The following GABBR2 variants were observed in gnomAD, a reference collection of about 807,000 sequenced individuals.
GABBR2 encodes the protein gamma-aminobutyric acid type B receptor subunit 2.
A neutral mutation model predicts 105.6 loss-of-function variants in GABBR2; 23 were observed. That is an observed-to-expected ratio of 0.22 (90% CI 0.16 to 0.31). The LOEUF is 0.31. GABBR2 is among the 10% of genes least tolerant of loss of function. GABBR2 has a pLI of 1.00. For missense variants in GABBR2, 734 were observed against 1,245.5 expected, an observed-to-expected ratio of 0.59 and a Z score of 6.18; for synonymous variants, 478 against 499.7, an observed-to-expected ratio of 0.96 and a Z score of 0.58.
intron 1 of GABBR2, among the ~76,000 whole-genome samples, chr9:98,649,774 T>C (rs1830079627): frequency 6.6e-6 from 1 of 152,198 alleles, no homozygotes; most frequent in Non-Finnish European, 1.5e-5. Flanking sequence ...CAAAATAGTG[T>C]TGTTTCAAAA....
At position 98,325,283 on chromosome 9, in the gene GABBR2, C is replaced by CTTTT. The variant is rs886288539; in HGVS notation, c.1894-14082_1894-14079dup. ...TTCCCTTGGCTCTAGGACAGCAATTCTTTTTTTTTTTTTTTTTTTTTTTTT... is the reference window on the plus strand; with the variant it reads ...TTCCCTTGGCTCTAGGACAGCAATTCTTTTTTTTTTTTTTTTTTTTTTTTTTTTT... On this transcript the variant is annotated intron_variant, in intron 13 of 18. Transcript: ENST00000259455. 2.0e-3 allele frequency among the ~76,000 whole-genome samples: 137 copies of CTTTT among 67,652 alleles called. 23 individuals carry two copies. Among genetic ancestry groups the CTTTT allele is most frequent in the African/African-American group, 7.7e-3 (122 of 15,942 alleles). 44.4% of individuals were successfully genotyped at this position (67,652 alleles called of 152,430 possible).
At chr9:98,653,265 CT>C (rs1488538186) in intron 1 of GABBR2, among the ~76,000 whole-genome samples, 1 of 152,244 alleles carries the variant, frequency 6.6e-6, no homozygotes, top group Non-Finnish European at 1.5e-5. Context: ...TCCCAAAGTG[CT>C]GAGATTACAG....
At chr9:98,696,473 G>A (rs1818695541) in intron 1 of GABBR2, among the ~76,000 whole-genome samples, 1 of 152,196 alleles carries the variant, frequency 6.6e-6, no homozygotes. Context: ...CTGGTTTGCT[G>A]GGTCAGTGGT....
intron 7 of GABBR2, among the ~76,000 whole-genome samples, chr9:98,449,727 T>G (rs539869656): frequency 6.6e-6 from 1 of 152,248 alleles, no homozygotes; most frequent in South Asian, 2.1e-4. Flanking sequence ...GCTTTTGAGA[T>G]TTAAATAGCC....
chr9:98,481,094 C>T (rs939804192), intron 4 of GABBR2, 97 bp from the exon 5 acceptor site: 6 of 807,642 alleles, frequency 7.4e-6, no homozygotes, highest in African/African-American at 5.0e-5. Context: ...ACCTCTGGCT[C>T]TTAGCCCAGA....
At chr9:98,680,261 A>T (rs1830526485) in intron 1 of GABBR2, among the ~76,000 whole-genome samples, 1 of 152,168 alleles carries the variant, frequency 6.6e-6, no homozygotes, top group Admixed American at 6.5e-5. Flanking sequence ...TAAGTTCACC[A>T]AATTCCAACC....
At chr9:98,649,971 A>G (rs1045608685) in intron 1 of GABBR2, among the ~76,000 whole-genome samples, 3 of 152,204 alleles carry the variant, frequency 2.0e-5, no homozygotes, top group African/African-American at 7.2e-5. Context: ...GAAGTAATTC[A>G]TGTGTCTGGA....
intron 6 of GABBR2, among the ~76,000 whole-genome samples, chr9:98,459,759 T>C (rs1826391919): frequency 6.6e-6 from 1 of 152,198 alleles, no homozygotes; most frequent in Non-Finnish European, 1.5e-5. Context: ...GTTGAGAACA[T>C]TGAAGGGTCA....
At chr9:98,519,710 C>CTT (rs11386577) in intron 3 of GABBR2, among the ~76,000 whole-genome samples, 1,850 of 142,498 alleles carry the variant, frequency 0.013, 23 homozygotes, top group Non-Finnish European at 0.015. Context: ...GAGCCGGCAA[C>CTT]TTTTTTTTTT....
chr9:98,561,294 GAA>G (rs35127616), intron 2 of GABBR2, among the ~76,000 whole-genome samples: 162 of 149,052 alleles, frequency 1.1e-3, no homozygotes, highest in African/African-American at 3.5e-3. Flanking sequence ...TCATTCCACT[GAA>G]AAAAAAAAAC....
chr9:98,634,969 CCT>C (rs1163484202), intron 1 of GABBR2, among the ~76,000 whole-genome samples: 3 of 152,152 alleles, frequency 2.0e-5, no homozygotes, highest in African/African-American at 4.8e-5. Context: ...TAAATATCTG[CCT>C]CTCTGTAATC....
At chr9:98,527,081 A>C (rs1827976155) in intron 3 of GABBR2, among the ~76,000 whole-genome samples, 1 of 148,024 alleles carries the variant, frequency 6.8e-6, no homozygotes, top group Admixed American at 6.8e-5. Context: ...TTCATATGTT[A>C]ATAATATATA....
At chr9:98,473,092 A>C in intron 6 of GABBR2, 54 bp downstream of exon 6, 1 of 1,330,594 alleles carries the variant, frequency 7.5e-7, no homozygotes, top group Non-Finnish European at 1.1e-6. Context: ...GTCATCAGAC[A>C]AGATGATCAA....
In GABBR2 at chr9:98,340,448, C is replaced by T. The variant is rs577798763; in HGVS notation, c.1893+22267G>A. 2.1e-4 allele frequency among the ~76,000 whole-genome samples: 32 copies of T among 150,290 alleles called. 1 individual carries two copies. The South Asian group carries it at 4.8e-3, about 23-fold the overall frequency. ...TCTCTCTCTCTTTTTTTTTTTGAGA[C>T]GGGGTCTCGTCATGTTGCCCAGGCT... On this transcript the variant is annotated intron_variant, in intron 13 of 18. Transcript: ENST00000259455.
intron 1 of GABBR2, among the ~76,000 whole-genome samples, chr9:98,692,583 A>C (rs906685065): frequency 6.6e-6 from 1 of 152,176 alleles, no homozygotes; most frequent in African/African-American, 2.4e-5. Context: ...GACCCCAAAC[A>C]GCAGGACCAC....
Position 98,440,375 on chromosome 9 carries a change from A to G in GABBR2, c.1236+13606T>C, listed in dbSNP as rs1826009407. Among the ~76,000 whole-genome samples the G allele has an allele frequency of 1.3e-5, 2 of 152,184 alleles. 1 individual carries two copies. Among genetic ancestry groups the G allele is most frequent in the South Asian group, 4.1e-4 (2 of 4,832 alleles). ...TGAAGAGAGATTGATTCCTTGCTCA[A>G]GTTTACCTGGCTAGCAAGTGGAGCC... On this transcript the variant is annotated intron_variant, in intron 7 of 18. Coordinates refer to ENST00000259455, the MANE Select transcript of GABBR2 (RefSeq NM_005458.8).
chr9:98,417,719 A>G (rs1237861745), intron 7 of GABBR2, among the ~76,000 whole-genome samples: 1 of 152,084 alleles, frequency 6.6e-6, no homozygotes. Flanking sequence ...CCAGTCTAAC[A>G]GAGATGACAG....
intron 2 of GABBR2, among the ~76,000 whole-genome samples, chr9:98,570,949 C>T (rs554352210): frequency 1.3e-5 from 2 of 152,224 alleles, no homozygotes; most frequent in Non-Finnish European, 2.9e-5. Context: ...AGGCACCTGG[C>T]TCTCCGTCAG....
chr9:98,302,102 C>T (rs1830478483), intron 16 of GABBR2, among the ~76,000 whole-genome samples: 1 of 152,200 alleles, frequency 6.6e-6, no homozygotes, highest in Non-Finnish European at 1.5e-5. Flanking sequence ...CTGAATTTAA[C>T]TGGGCATCCC....
Sources: gnomAD v4.1 joint callset for allele counts (sites outside exome capture counted in the v4.1 genomes callset) on GRCh38, gnomAD v4.1.1 for gene constraint, MANE v1.5 for transcripts, NCBI Gene and HGNC (gene_info 2026-07-23, HGNC 2026-07-21) for gene names.